Variants in IFT46 observed in about 807,000 individuals in gnomAD.
IFT46 encodes intraflagellar transport protein 46 homolog.
IFT46 carries 19 observed loss-of-function variants against 39.6 expected under a neutral mutation model. The ratio of observed to expected loss-of-function variants is 0.48; its 90% CI spans 0.33 to 0.70. The LOEUF is 0.70. IFT46 is among the 30% of genes least tolerant of loss of function. The probability of loss-of-function intolerance (pLI) is 0.01; values close to 1 mark genes in which losing one functional copy is unlikely to be tolerated. For missense variants in IFT46, 334 were observed against 364.8 expected, an observed-to-expected ratio of 0.92 and a Z score of 0.69; for synonymous variants, 117 against 134.8, an observed-to-expected ratio of 0.87 and a Z score of 0.91.
At chr11:118,546,225 G>A in intron 9 of IFT46, 1 of 714,928 alleles carries the variant, frequency 1.4e-6, no homozygotes, top group Non-Finnish European at 2.6e-6. Context: ...GGTGGGGCGT[G>A]GTGGCTTCAC....
At position 118,545,028 on chromosome 11, in the gene IFT46, A is replaced by G. The variant is rs2135458365; in HGVS notation, c.820-17T>C. Reference sequence around the variant, plus strand: ...TTTAAAATGCTGCAAGGAAGAGGAGAGGGAATATTGAGTATTAGGGATATG... The same window carrying G: ...TTTAAAATGCTGCAAGGAAGAGGAGGGGGAATATTGAGTATTAGGGATATG... On this transcript the variant is annotated splice_polypyrimidine_tract_variant and intron_variant, in intron 11 of 11. Transcript: ENST00000264021. 1 of 1,554,618 alleles carries G rather than the reference A, an allele frequency of 6.4e-7. No homozygotes were observed. Among genetic ancestry groups the G allele is most frequent in the East Asian group, 2.2e-5 (1 of 44,594 alleles).
intron 9 of IFT46, among the ~76,000 whole-genome samples, chr11:118,551,423 C>T (rs1036955210): frequency 2.7e-5 from 4 of 150,776 alleles, no homozygotes; most frequent in Admixed American, 1.3e-4. Flanking sequence ...CCTGTAATCC[C>T]AGCACTTTGG....
intron 9 of IFT46, chr11:118,546,368 G>A (rs1164242396): frequency 5.6e-6 from 3 of 531,724 alleles, no homozygotes; most frequent in Non-Finnish European, 1.0e-5. Context: ...TTGAGTATCT[G>A]TAGTCCCAGC....
At chr11:118,554,689 C>T in intron 6 of IFT46, 102 bp from the exon 7 acceptor site, 3 of 1,255,886 alleles carry the variant, frequency 2.4e-6, no homozygotes, top group Non-Finnish European at 3.3e-6. Context: ...TAAAAGCATG[C>T]TTATCATGCT....
At chr11:118,550,681 T>G (rs1951787071) in intron 9 of IFT46, among the ~76,000 whole-genome samples, 1 of 152,194 alleles carries the variant, frequency 6.6e-6, no homozygotes, top group Non-Finnish European at 1.5e-5. Context: ...TACTTTAATT[T>G]TTTTCAAATA....
Position 118,549,254 on chromosome 11 carries a change from C to T in IFT46, c.672+2532G>A, listed in dbSNP as rs905616560. On this transcript the variant is annotated intron_variant, in intron 9 of 11. Coordinates refer to ENST00000264021, the MANE Select transcript of IFT46 (RefSeq NM_001168618.2). ...AAGAGTCTCCTATTGTTGCCCAGAC[C>T]GGTCCTGAACTCCTGGCCTCAAGTG... is the stretch of plus-strand genomic sequence containing the variant. Among the ~76,000 whole-genome samples the T allele has an allele frequency of 6.0e-5, 9 of 149,208 alleles. No individual in the cohort carries two copies. In the East Asian group the frequency reaches 1.4e-3, roughly 23 times the overall value.
chr11:118,560,461 G>T (rs1187337982), intron 2 of IFT46: 1 of 155,998 alleles, frequency 6.4e-6, no homozygotes, highest in African/African-American at 2.7e-5. Context: ...GGAGGGGAGG[G>T]GAGGGGAGGG....
chr11:118,561,010 G>A (rs1938037903), intron 2 of IFT46: 1 of 1,472,702 alleles, frequency 6.8e-7, no homozygotes, highest in Non-Finnish European at 9.4e-7. Flanking sequence ...TGGCCCGCAG[G>A]CTTCCCAATA....
chr11:118,559,186 G>C (rs1937946865), intron 3 of IFT46, among the ~76,000 whole-genome samples: 1 of 151,952 alleles, frequency 6.6e-6, no homozygotes, highest in African/African-American at 2.4e-5. Context: ...CGGTTTTTAA[G>C]AAATCATATG....
intron 1 of IFT46, among the ~76,000 whole-genome samples, chr11:118,565,371 A>G (rs1167769263): frequency 6.6e-6 from 1 of 151,066 alleles, no homozygotes; most frequent in Non-Finnish European, 1.5e-5. Flanking sequence ...GCAGAACACT[A>G]TTTGTATGTA....
At chr11:118,569,491 C>A (rs540325615), upstream of IFT46, among the ~76,000 whole-genome samples, 2 of 152,012 alleles carry the variant, frequency 1.3e-5, no homozygotes, top group Non-Finnish European at 2.9e-5. Context: ...TCCTCCCAGA[C>A]ATATAAAATT....
At chr11:118,554,199 C>T (rs1467133408) in intron 7 of IFT46, among the ~76,000 whole-genome samples, 4 of 151,822 alleles carry the variant, frequency 2.6e-5, no homozygotes, top group African/African-American at 4.8e-5. Context: ...TACAGGCGCC[C>T]GCCACTACAC....
upstream of IFT46, among the ~76,000 whole-genome samples, chr11:118,568,585 A>C (rs1393281093): frequency 3.3e-5 from 5 of 152,008 alleles, no homozygotes; most frequent in Admixed American, 2.6e-4. Flanking sequence ...AATAAATAAA[A>C]AGTTACCCCA....
intron 2 of IFT46, among the ~76,000 whole-genome samples, chr11:118,564,461 A>C (rs955995343): frequency 6.6e-6 from 1 of 152,174 alleles, no homozygotes; most frequent in Admixed American, 6.5e-5. Context: ...CTATAATCCC[A>C]GCACTTTGGG....
rs1374250136 is a variant in IFT46, at chr11:118,571,948, C to T, written c.-133+648G>A. On this transcript the variant is annotated intron_variant, in intron 1 of 5. Transcript: ENST00000528378. ...ACTAAAAATACAAAAAACAGCCGAG[C>T]GTGGTGTGGCGCGTGCCTGTAATCC... is the stretch of plus-strand genomic sequence containing the variant. Among the ~76,000 whole-genome samples, 4 of 151,976 alleles carry T rather than the reference C, an allele frequency of 2.6e-5. No individual in the cohort carries two copies. In the South Asian group the frequency reaches 6.3e-4, roughly 24 times the overall value.
At chr11:118,574,141 G>A (rs1338961280), upstream of IFT46, among the ~76,000 whole-genome samples, 1 of 152,046 alleles carries the variant, frequency 6.6e-6, no homozygotes, top group African/African-American at 2.4e-5. Context: ...ACATGTGTAC[G>A]TATACATAGA....
At chr11:118,546,220 G>A (rs1555067114) in intron 9 of IFT46, 1 of 715,688 alleles carries the variant, frequency 1.4e-6, no homozygotes, top group African/African-American at 1.8e-5. Context: ...ATCTTGGTGG[G>A]GCGTGGTGGC....
intron 2 of IFT46, among the ~76,000 whole-genome samples, chr11:118,564,540 G>A (rs1331405281): frequency 2.6e-5 from 4 of 151,934 alleles, no homozygotes; most frequent in Admixed American, 2.0e-4. Context: ...GCGAGGCCTC[G>A]TCTCTATAAA....
intron 2 of IFT46, among the ~76,000 whole-genome samples, chr11:118,562,187 G>A (rs1357745753): frequency 6.6e-6 from 1 of 152,100 alleles, no homozygotes; most frequent in Non-Finnish European, 1.5e-5. Context: ...TGAGGCAGGA[G>A]AATCGCTTGA....
Sources: allele counts gnomAD v4.1 joint callset (sites outside exome capture counted in the v4.1 genomes callset), GRCh38; gene constraint gnomAD v4.1.1; transcripts MANE v1.5; gene names NCBI Gene and HGNC (gene_info 2026-07-23, HGNC 2026-07-21).